MSI2: variants seen among roughly 807,000 people sequenced by gnomAD.
MSI2 encodes musashi RNA binding protein 2.
Under a neutral mutation model 45.6 loss-of-function variants are expected in MSI2, and 17 were observed. The ratio of observed to expected loss-of-function variants is 0.37; its 90% confidence interval spans 0.26 to 0.56. The LOEUF (loss-of-function observed/expected upper bound fraction) is 0.56. Among genes scored for constraint, MSI2 ranks in the 20% least tolerant of loss-of-function variants. MSI2 has a pLI of 0.77. For missense variants in MSI2, 293 were observed against 444.2 expected (o/e 0.66, Z 3.06); for synonymous variants, 156 against 158.2 (o/e 0.99, Z 0.11).
chr17:57,563,703 GTCTGTCTC>G (rs1450234944), intron 7 of MSI2, among the ~76,000 whole-genome samples: 1 of 147,854 alleles, frequency 6.8e-6, no homozygotes, highest in Non-Finnish European at 1.5e-5. Context: ...CTGTCTGTCT[GTCTGTCTC>G]TCTCTCTCTT....
intron 10 of MSI2, among the ~76,000 whole-genome samples, chr17:57,637,478 T>A (rs1393754721): frequency 6.6e-6 from 1 of 152,212 alleles, no homozygotes. Flanking sequence ...GGGTTTCACT[T>A]CCGATCAGCT....
At chr17:57,419,887 G>T (rs201661359) in intron 6 of MSI2, among the ~76,000 whole-genome samples, 1 of 152,310 alleles carries the variant, frequency 6.6e-6, no homozygotes, top group East Asian at 1.9e-4. Context: ...CCCTGAGTCC[G>T]CACTGCTGCC....
At chr17:57,272,295 C>T (rs763858716) in intron 5 of MSI2, among the ~76,000 whole-genome samples, 12 of 152,210 alleles carry the variant, frequency 7.9e-5, no homozygotes, top group Non-Finnish European at 1.5e-4. Flanking sequence ...AAGTTTTCAA[C>T]TTAGCGGCAT....
intron 7 of MSI2, among the ~76,000 whole-genome samples, chr17:57,563,571 G>C (rs543622089): frequency 1.3e-4 from 20 of 152,218 alleles, no homozygotes; most frequent in Admixed American, 2.6e-4. Context: ...CCCCAAAATA[G>C]TGAATGACAT....
intron 5 of MSI2, among the ~76,000 whole-genome samples, chr17:57,371,841 T>C (rs915784049): frequency 5.3e-5 from 8 of 151,744 alleles, no homozygotes; most frequent in Non-Finnish European, 1.2e-4. Flanking sequence ...TTAAAGGCTA[T>C]GGATATTTTG....
intron 5 of MSI2, among the ~76,000 whole-genome samples, chr17:57,330,076 G>A (rs977245557): frequency 6.6e-6 from 1 of 151,926 alleles, no homozygotes; most frequent in Non-Finnish European, 1.5e-5. Context: ...TTGCGAGGGC[G>A]GATGGTAGAG....
chr17:57,401,552 C>G, intron 6 of MSI2, 81 bp downstream of exon 6: 1 of 1,049,690 alleles, frequency 9.5e-7, no homozygotes, highest in Non-Finnish European at 1.5e-6. Flanking sequence ...GGCCCCCGCC[C>G]CTGCTACAGC....
Position 57,332,100 on chromosome 17 carries a change from ATT to A in MSI2, c.313-69262_313-69261del, listed in dbSNP as rs138835359. ...AAAGTTTGTAATTGGTCATGTTGCC[ATT>A]TTTTTTTTTTTTTTTTGAAATGGAG... On this transcript the variant is annotated intron_variant, in intron 5 of 13. Coordinates refer to ENST00000284073, the MANE Select transcript of MSI2 (RefSeq NM_138962.4). 4.6e-3 allele frequency among the ~76,000 whole-genome samples: 627 copies of A among 136,358 alleles called. 3 individuals are homozygous for A. Among genetic ancestry groups the A allele is most frequent in the African/African-American group, 0.014 (527 of 37,140 alleles). 89.5% of individuals were successfully genotyped at this position (136,358 alleles called of 152,430 possible). A position where few individuals can be genotyped will look rare whatever the true frequency, so the allele number is the denominator to read the frequency against.
intron 5 of MSI2, among the ~76,000 whole-genome samples, chr17:57,292,773 G>C (rs1910533258): frequency 6.6e-6 from 1 of 152,186 alleles, no homozygotes; most frequent in African/African-American, 2.4e-5. Flanking sequence ...GGCCAGCACG[G>C]TTGGAAGAGT....
At chr17:57,274,978 T>C (rs1466284216) in intron 5 of MSI2, among the ~76,000 whole-genome samples, 2 of 152,210 alleles carry the variant, frequency 1.3e-5, no homozygotes, top group Admixed American at 6.5e-5. Flanking sequence ...ATGTGAATTC[T>C]TTTCTCCATA....
chr17:57,383,532 A>G (rs1168720995), intron 5 of MSI2, among the ~76,000 whole-genome samples: 1 of 152,282 alleles, frequency 6.6e-6, no homozygotes, highest in African/African-American at 2.4e-5. Flanking sequence ...ATGGCAGTGC[A>G]TGCCTGTCAT....
intron 5 of MSI2, chr17:57,268,236 A>C (rs1907997105): frequency 6.6e-6 from 1 of 152,218 alleles, no homozygotes; most frequent in Non-Finnish European, 1.5e-5. Flanking sequence ...AGTGTGGAGA[A>C]TATGACAAAG....
intron 6 of MSI2, among the ~76,000 whole-genome samples, chr17:57,423,118 A>T (rs1211499093): frequency 6.6e-6 from 1 of 152,172 alleles, no homozygotes; most frequent in African/African-American, 2.4e-5. Flanking sequence ...GAGAGAAAAA[A>T]CTTTTCCCAA....
chr17:57,399,351 G>A (rs2083946586), intron 5 of MSI2, among the ~76,000 whole-genome samples: 1 of 152,252 alleles, frequency 6.6e-6, no homozygotes, highest in African/African-American at 2.4e-5. Context: ...GAAGTAGGGA[G>A]TAGGTGGTAT....
At chr17:57,463,573 T>G (rs193275820) in intron 6 of MSI2, among the ~76,000 whole-genome samples, 1 of 152,216 alleles carries the variant, frequency 6.6e-6, no homozygotes, top group Non-Finnish European at 1.5e-5. Flanking sequence ...TGCCTCCCCA[T>G]GAGCACTGCC....
intron 6 of MSI2, among the ~76,000 whole-genome samples, chr17:57,472,724 C>T (rs1219306027): frequency 2.0e-5 from 3 of 152,126 alleles, no homozygotes; most frequent in African/African-American, 7.2e-5. Context: ...AAACACTCAG[C>T]GTGGATCCTG....
Position 57,346,350 on chromosome 17 carries a change from G to GGT in MSI2, c.313-55028_313-55027insTG, listed in dbSNP as rs1555583884. Among the ~76,000 whole-genome samples the GGT allele has an allele frequency of 3.3e-5, 3 of 90,830 alleles. No homozygotes were observed. In the Admixed American group the frequency reaches 3.9e-4, roughly 12 times the overall value. The allele number at this position is 90,830 out of a possible 152,430, so 59.6% of individuals were successfully genotyped here. On this transcript the variant is annotated intron_variant, in intron 5 of 13. Coordinates refer to ENST00000284073, the MANE Select transcript of MSI2 (RefSeq NM_138962.4). Reference sequence around the variant, plus strand: ...TGAGACATGTAAATAACACATTTTGGGGGGGGGGGTCTGATTTTTTTCTTA... The same window carrying GGT: ...TGAGACATGTAAATAACACATTTTGGGTGGGGGGGGGTCTGATTTTTTTCTTA...
At chr17:57,575,147 T>TCCCCCCCCCCCCCCCACCCC (rs371180511) in intron 7 of MSI2, among the ~76,000 whole-genome samples, 1 of 119,544 alleles carries the variant, frequency 8.4e-6, no homozygotes, top group Non-Finnish European at 1.7e-5. Context: ...CTTTTTTAAC[T>TCCCCCCCCCCCCCCCACCCC]CCCTCCCCCC....
chr17:57,627,481 G>C lies in MSI2; in HGVS notation c.727+178G>C. ...GGCCAGGATGCAGCTCAGAGTTTTT[G>C]ATTAACTCAGGTATAACTCACTGGT... On this transcript the variant is annotated intron_variant, in intron 10 of 13. Transcript: ENST00000284073. This position sits in a 1 kb window ranked among gnomAD's most constrained non-coding sequence, Gnocchi z 4.6. The C allele has an allele frequency of 1.6e-6, 1 of 635,416 alleles. No individual in the cohort carries two copies. The highest frequency in any genetic ancestry group is 1.9e-5 in the South Asian group (1 of 51,982). 39.4% of individuals were successfully genotyped at this position (635,416 alleles called of 1,614,324 possible). A position where few individuals can be genotyped will look rare whatever the true frequency, so the allele number is the denominator to read the frequency against.
Sources: gnomAD v4.1 joint callset for allele counts (sites outside exome capture counted in the v4.1 genomes callset) on GRCh38, gnomAD v4.1.1 for gene constraint, Gnocchi (gnomAD v3.1) non-coding constraint, MANE v1.5 for transcripts, NCBI Gene and HGNC (gene_info 2026-07-23, HGNC 2026-07-21) for gene names.